The following PAK3 variants were observed in gnomAD, a reference collection of about 807,000 sequenced individuals.
The protein encoded by PAK3 is serine/threonine-protein kinase PAK 3.
Under a neutral mutation model 41.0 loss-of-function variants are expected in PAK3, and 4 were observed. That is an observed-to-expected ratio of 0.10 (90% CI 0.05 to 0.22). PAK3 has a LOEUF of 0.22. Ranked by LOEUF, PAK3 falls within the 10% of genes least tolerant of loss-of-function variation. The probability of loss-of-function intolerance (pLI) is 1.00; values close to 1 mark genes in which losing one functional copy is unlikely to be tolerated. For synonymous variants in PAK3, 146 were observed against 139.6 expected, an observed-to-expected ratio of 1.05 and a Z score of -0.32; for missense variants, 205 against 409.9, an observed-to-expected ratio of 0.50 and a Z score of 4.32.
chrX:111,142,087 TG>T lies in PAK3; in HGVS notation c.176-8del. ...CCCAAATAAATACATGTTAACATTT[TG>T]CCTTTAGCCAATAAGAAGAAGGAGA... On this transcript the variant is annotated splice_polypyrimidine_tract_variant and splice_region_variant and intron_variant, in intron 5 of 17. Coordinates refer to ENST00000372007, the MANE Select transcript of PAK3 (RefSeq NM_002578.5). The T allele has an allele frequency of 9.4e-7, 1 of 1,068,407 alleles. No homozygotes were observed. The highest frequency in any genetic ancestry group is 1.3e-6 in the Non-Finnish European group (1 of 764,657). 88.0% of individuals were successfully genotyped at this position (1,068,407 alleles called of 1,213,427 possible).
chrX:111,204,430 T>C lies in PAK3; in HGVS notation c.1407+7790T>C, dbSNP rs182148151. Reference sequence around the variant, plus strand: ...CCATACCTATAACTAAGTAGTTAAGTCCCTCCAGATCAAAGTTAATTCTAA... The same window carrying C: ...CCATACCTATAACTAAGTAGTTAAGCCCCTCCAGATCAAAGTTAATTCTAA... On this transcript the variant is annotated intron_variant, in intron 16 of 17. Transcript: ENST00000372007. Among the ~76,000 whole-genome samples, 11 of 111,654 alleles carry C rather than the reference T, an allele frequency of 9.9e-5. No individual in the cohort carries two copies. In the East Asian group the frequency reaches 1.4e-3, roughly 14 times the overall value.
At chrX:110,958,617 C>T (rs181524050) in intron 1 of PAK3, among the ~76,000 whole-genome samples, 1 of 111,690 alleles carries the variant, frequency 9.0e-6, no homozygotes, top group East Asian at 2.8e-4. Flanking sequence ...GAAAGGTGTC[C>T]ATTTATGGAC....
chrX:111,087,961 G>T (rs1271054083), intron 1 of PAK3, among the ~76,000 whole-genome samples: 2 of 109,860 alleles, frequency 1.8e-5, no homozygotes, highest in Non-Finnish European at 3.8e-5. Context: ...CAAGCCTGTG[G>T]AAGAAAAATA....
chrX:111,161,005 G>A (rs1225237144), intron 8 of PAK3, among the ~76,000 whole-genome samples: 2 of 111,314 alleles, frequency 1.8e-5, no homozygotes, highest in Non-Finnish European at 1.9e-5. Context: ...TGGGTCAAAT[G>A]GTATTTCTAG....
chrX:111,031,499 C>G (rs2092340104), intron 1 of PAK3, among the ~76,000 whole-genome samples: 1 of 112,118 alleles, frequency 8.9e-6, no homozygotes, highest in Non-Finnish European at 1.9e-5. Flanking sequence ...ATGGTTAAAT[C>G]AGTTCTGATT....
At chrX:111,053,250 G>A (rs1356965049) in intron 1 of PAK3, among the ~76,000 whole-genome samples, 1 of 110,619 alleles carries the variant, frequency 9.0e-6, no homozygotes, top group African/African-American at 3.3e-5. Context: ...AGGAGGGGGT[G>A]AAAGTGGGGG....
intron 1 of PAK3, among the ~76,000 whole-genome samples, chrX:110,980,643 C>T (rs2091432935): frequency 8.9e-6 from 1 of 111,943 alleles, no homozygotes; most frequent in Non-Finnish European, 1.9e-5. Flanking sequence ...ACATGGGAGC[C>T]TTCAGAATGA....
At chrX:110,996,911 G>A (rs2091749680) in intron 1 of PAK3, among the ~76,000 whole-genome samples, 1 of 111,928 alleles carries the variant, frequency 8.9e-6, no homozygotes, top group Non-Finnish European at 1.9e-5. Flanking sequence ...ATGAGTGCTA[G>A]GGAGAAAAGT....
At chrX:111,092,799 A>G (rs1003898714), upstream of PAK3, among the ~76,000 whole-genome samples, 2 of 112,288 alleles carry the variant, frequency 1.8e-5, no homozygotes, top group Non-Finnish European at 3.8e-5. Flanking sequence ...TTTCATTCTT[A>G]TATAATATTC....
At chrX:111,186,856 A>G (rs969723080) in intron 11 of PAK3, among the ~76,000 whole-genome samples, 24 of 112,048 alleles carry the variant, frequency 2.1e-4, no homozygotes, top group African/African-American at 7.4e-4. Flanking sequence ...TTTATTTTGT[A>G]AATATATGCA....
intron 5 of PAK3, among the ~76,000 whole-genome samples, chrX:111,133,345 C>G (rs1195557696): frequency 9.0e-6 from 1 of 111,504 alleles, no homozygotes; most frequent in African/African-American, 3.3e-5. Flanking sequence ...GCCCATTTCT[C>G]AAAACATACC....
intron 1 of PAK3, among the ~76,000 whole-genome samples, chrX:111,027,838 A>G (rs1392588893): frequency 1.8e-5 from 2 of 109,815 alleles, no homozygotes; most frequent in Non-Finnish European, 3.8e-5. Context: ...GAGGAAAAGA[A>G]GTCACTATAT....
chrX:111,210,267 C>T (rs750367698), intron 16 of PAK3, among the ~76,000 whole-genome samples: 8 of 112,069 alleles, frequency 7.1e-5, no homozygotes, highest in Non-Finnish European at 1.5e-4. Flanking sequence ...TCAAGAACAG[C>T]CAGAGAGAAT....
intron 1 of PAK3, among the ~76,000 whole-genome samples, chrX:110,969,316 C>T (rs1342735815): frequency 5.8e-5 from 6 of 103,961 alleles, no homozygotes; most frequent in African/African-American, 2.1e-4. Context: ...TAGAGTCTCA[C>T]TCTGTCATCC....
chrX:111,212,547 T>C (rs2094833447), intron 16 of PAK3, among the ~76,000 whole-genome samples: 1 of 111,836 alleles, frequency 8.9e-6, no homozygotes, highest in Non-Finnish European at 1.9e-5. Context: ...CAAAAGCCAG[T>C]TTAGCCCATA....
chrX:111,162,243 T>A (rs1331605519), intron 8 of PAK3, among the ~76,000 whole-genome samples: 1 of 112,091 alleles, frequency 8.9e-6, no homozygotes, highest in Non-Finnish European at 1.9e-5. Flanking sequence ...CTAGGTATTG[T>A]TGCTATTGTA....
At chrX:110,957,008 A>G (rs2090874517) in intron 1 of PAK3, among the ~76,000 whole-genome samples, 1 of 111,628 alleles carries the variant, frequency 9.0e-6, no homozygotes, top group Admixed American at 9.5e-5. Flanking sequence ...TTCTCTATAC[A>G]TTAATCCACA....
At chrX:111,023,465 A>G (rs1457016577) in intron 1 of PAK3, among the ~76,000 whole-genome samples, 4 of 112,322 alleles carry the variant, frequency 3.6e-5, no homozygotes, top group Non-Finnish European at 7.5e-5. Flanking sequence ...AGGAATCTCC[A>G]TACTGTCTTC....
In PAK3 at chrX:110,958,777, C is replaced by T. The variant is rs1337766334; in HGVS notation, c.-28+14149C>T. Among the ~76,000 whole-genome samples the T allele has an allele frequency of 2.7e-5, 3 of 111,235 alleles. No individual in the cohort carries two copies. In the Admixed American group the frequency reaches 2.9e-4, roughly 11 times the overall value. ...GTTCTCTCCCTAGGTAGGTTTTAAG[C>T]CCCTTGAGGACAGTAGCTGTGTCTT... On this transcript the variant is annotated intron_variant, in intron 1 of 14. Coordinates refer to the PAK3 transcript ENST00000425146.
Sources: gnomAD v4.1 joint callset for allele counts (sites outside exome capture counted in the v4.1 genomes callset) on GRCh38, gnomAD v4.1.1 for gene constraint, MANE v1.5 for transcripts, NCBI Gene and HGNC (gene_info 2026-07-23, HGNC 2026-07-21) for gene names.